The following DCST2 variants were observed in gnomAD, a reference collection of about 807,000 sequenced individuals.
DCST2 encodes the protein DC-STAMP domain-containing protein 2.
Under a neutral mutation model 81.8 loss-of-function variants are expected in DCST2, and 64 were observed. The observed-to-expected ratio is 0.78, with a 90% CI of 0.64 to 0.96. DCST2 has a LOEUF of 0.96. Ranked by LOEUF, DCST2 falls within the 40% of genes least tolerant of loss-of-function variation. The pLI, the probability that DCST2 is intolerant of heterozygous loss-of-function variation, is 0.00. For missense variants in DCST2, 945 were observed against 1,001.4 expected (o/e 0.94, Z 0.76); for synonymous variants, 354 against 402.6 (o/e 0.88, Z 1.44).
intron 10 of DCST2, among the ~76,000 whole-genome samples, chr1:155,025,874 C>G (rs1383183492): frequency 6.6e-6 from 1 of 150,654 alleles, no homozygotes; most frequent in Non-Finnish European, 1.5e-5. Context: ...TTTTTTCTTT[C>G]TTTCTTTTTT....
At chr1:155,022,844 C>CTGTGCTGTCCA (rs1433752630) in intron 14 of DCST2, among the ~76,000 whole-genome samples, 2 of 152,232 alleles carry the variant, frequency 1.3e-5, no homozygotes, top group Non-Finnish European at 2.9e-5. Context: ...GTTGTGTCCT[C>CTGTGCTGTCCA]TGTGCTGTCC....
At chr1:155,028,718 C>T (rs755203666) in intron 8 of DCST2, among the ~76,000 whole-genome samples, 3 of 142,048 alleles carry the variant, frequency 2.1e-5, no homozygotes, top group Non-Finnish European at 4.6e-5. Flanking sequence ...ACTAAAAATA[C>T]AAAAATAAGC....
rs201047852 is a variant in DCST2, at chr1:155,031,733, T to C, written c.580A>G (p.Ile194Val). The C allele has an allele frequency of 1.1e-5, 18 of 1,613,804 alleles. 1 individual carries two copies. In the Middle Eastern group the frequency reaches 6.6e-4, roughly 59 times the overall value. Residue 194 changes from isoleucine (I) to valine (V), a missense_variant, in exon 4 of 15, where the codon ATC (isoleucine) becomes GTC (valine). Physicochemically the swap from Ile to Val is conservative, Grantham distance 29 (BLOSUM62 3). Coordinates refer to ENST00000368424, the MANE Select transcript of DCST2 (RefSeq NM_144622.3). ...LRNVWQWLLH[I>V]GDVCNSELGN... Reference sequence around the variant, plus strand: ...AGTTCCGAGTTGCACACATCGCCGATGTGCAGGAGCCACTGCCACACATTC... The same window carrying C: ...AGTTCCGAGTTGCACACATCGCCGACGTGCAGGAGCCACTGCCACACATTC...
intron 8 of DCST2, among the ~76,000 whole-genome samples, chr1:155,028,217 G>A (rs1026588094): frequency 3.9e-5 from 6 of 152,070 alleles, no homozygotes; most frequent in Non-Finnish European, 8.8e-5. Flanking sequence ...TGAGCCACCC[G>A]CCTGGCCCCA....
chr1:155,029,215 TGTCACGTA>T lies in DCST2; in HGVS notation c.1342+10_1342+17del, dbSNP rs771373873. 2.1e-5 allele frequency: 34 copies of T among 1,611,108 alleles called. No homozygotes were observed. In the South Asian group the frequency reaches 3.6e-4, roughly 17 times the overall value. On this transcript the variant is annotated intron_variant, in intron 8 of 14. Coordinates refer to ENST00000368424, the MANE Select transcript of DCST2 (RefSeq NM_144622.3). ...CTGCAGTGGGTGAGTGGGAGGAGGC[TGTCACGTA>T]GGCACTCACTGCGGGCCACAATCTC... is the stretch of plus-strand genomic sequence containing the variant.
At chr1:155,025,147 CA>C (rs201238594) in intron 10 of DCST2, among the ~76,000 whole-genome samples, 49,312 of 111,208 alleles carry the variant, frequency 0.44, 9,587 homozygotes, top group East Asian at 0.85. Context: ...AATTCTGTCT[CA>C]AAAAAAAAAA....
In DCST2 at chr1:155,026,630, C is replaced by T. The variant is rs1659919352; in HGVS notation, c.1428G>A (p.Leu476=). 4 of 1,614,224 alleles carry T rather than the reference C, an allele frequency of 2.5e-6. No homozygotes were observed. In the South Asian group the frequency reaches 3.3e-5, roughly 13 times the overall value. Reference sequence around the variant, plus strand: ...ACAAAATACTGATGTTGCCTTGCTGCAGGACATCAAATGCTGACACCAGGT... The same window carrying T: ...ACAAAATACTGATGTTGCCTTGCTGTAGGACATCAAATGCTGACACCAGGT... ...YRDLVSAFDV[L]QQGNISILSR... The change falls in exon 9 of 15, where the codon CTG becomes CTA. Residue 476 remains leucine (L), a synonymous_variant. Transcript: ENST00000368424.
chr1:155,023,771 T>C, intron 12 of DCST2, 61 bp downstream of exon 12: 2 of 1,607,236 alleles, frequency 1.2e-6, no homozygotes, highest in South Asian at 1.1e-5. Context: ...CCACAGTGGA[T>C]TGTCATATGC....
intron 14 of DCST2, among the ~76,000 whole-genome samples, chr1:155,021,692 G>T (rs1456843462): frequency 6.6e-6 from 1 of 151,858 alleles, no homozygotes; most frequent in Non-Finnish European, 1.5e-5. Context: ...TCTTTCCCCA[G>T]AACCTGTTTA....
intron 8 of DCST2, 172 bp from the exon 9 acceptor site, chr1:155,026,887 G>T: frequency 1.4e-6 from 1 of 728,234 alleles, no homozygotes; most frequent in Non-Finnish European, 2.2e-6. Context: ...CCTGACCTCA[G>T]TTCTGGCTCC....
chr1:155,023,334 C>T, intron 13 of DCST2, 30 bp downstream of exon 13: 1 of 1,610,176 alleles, frequency 6.2e-7, no homozygotes, highest in Non-Finnish European at 8.5e-7. Context: ...CCTACAGACT[C>T]CAGCCACCCC....
intron 3 of DCST2, among the ~76,000 whole-genome samples, chr1:155,032,015 T>C (rs1660104948): frequency 6.6e-6 from 1 of 152,142 alleles, no homozygotes; most frequent in Admixed American, 6.5e-5. Flanking sequence ...TGTTTTGAGA[T>C]GGAGTTTCGC....
chr1:155,030,635 C>G lies in DCST2; in HGVS notation c.816G>C (p.Gln272His), dbSNP rs375004161. 3 of 1,614,036 alleles carry G rather than the reference C, an allele frequency of 1.9e-6. No individual in the cohort carries two copies. The highest frequency in any genetic ancestry group is 4.5e-5 in the East Asian group (2 of 44,866). Residue 272 changes from glutamine (Q) to histidine (H), a missense_variant, in exon 6 of 15, where the codon CAG becomes CAC. By Grantham distance (24) the Gln-to-His change is conservative. Transcript: ENST00000368424. The stretch of plus-strand genomic sequence containing the variant: ...ACTCCTGACGCACCCGGTTGAGCAA[C>G]TGAATCACGGCTGGGGCCAGCAGGT... ...LRQTIGTPVIQLLNRVRQEFE... is the reference protein window; with the variant it reads ...LRQTIGTPVIHLLNRVRQEFE...
intron 13 of DCST2, 34 bp downstream of exon 13, chr1:155,023,330 G>T (rs1000911822): frequency 1.4e-5 from 22 of 1,610,818 alleles, no homozygotes; most frequent in Non-Finnish European, 1.9e-5. Flanking sequence ...TGCCCCTACA[G>T]ACTCCAGCCA....
chr1:155,026,458 C>T, intron 9 of DCST2, 56 bp from the exon 10 acceptor site: 1 of 1,612,346 alleles, frequency 6.2e-7, no homozygotes. Flanking sequence ...GCCAGCCCAC[C>T]CCTGGCGCCC....
rs201009643 is a variant in DCST2, at chr1:155,030,524, G to C, written c.927C>G (p.His309Gln). Reference protein sequence around the residue: ...RSLSQVAMDLHEAVSMKLHRV... With the variant: ...RSLSQVAMDLQEAVSMKLHRV... ...GGTGCAGCTTCATGCTGACAGCCTC[G>C]TGGAGGTCCATGGCTACCTGGGACA... The change falls in exon 6 of 15, where the codon CAC becomes CAG. Residue 309 changes from histidine to glutamine, a missense_variant. His to Gln is a conservative substitution (Grantham distance 24). Coordinates refer to ENST00000368424, the MANE Select transcript of DCST2 (RefSeq NM_144622.3). The C allele has an allele frequency of 2.9e-5, 46 of 1,614,030 alleles. 1 individual carries two copies. The South Asian group carries it at 4.0e-4, about 14-fold the overall frequency.
Position 155,026,617 on chromosome 1 carries a change from T to C in DCST2, c.1441A>G (p.Ile481Val), listed in dbSNP as rs2102338939. ...SAFDVLQQGN[I>V]SILSRRCLLR... ...AGACAACGCCGGGACAAAATACTGA[T>C]GTTGCCTTGCTGCAGGACATCAAAT... The change falls in exon 9 of 15, where the codon ATC (isoleucine) becomes GTC (valine). Residue 481 changes from isoleucine (I) to valine (V), a missense_variant. By Grantham distance (29) the Ile-to-Val change is conservative. Transcript: ENST00000368424. The C allele has an allele frequency of 6.2e-7, 1 of 1,614,210 alleles. No homozygotes were observed. The highest frequency in any genetic ancestry group is 8.5e-7 in the Non-Finnish European group (1 of 1,180,042).
At chr1:155,025,061 C>T (rs1013090740) in intron 10 of DCST2, among the ~76,000 whole-genome samples, 1 of 149,036 alleles carries the variant, frequency 6.7e-6, no homozygotes, top group Admixed American at 6.8e-5. Flanking sequence ...GCAGGAGAAT[C>T]GTTTGAACCC....
intron 14 of DCST2, among the ~76,000 whole-genome samples, chr1:155,020,646 C>G (rs1318612759): frequency 6.6e-6 from 1 of 152,068 alleles, no homozygotes; most frequent in Admixed American, 6.6e-5. Flanking sequence ...GGATTACAGG[C>G]GTGAGCCACC....
Sources: allele counts gnomAD v4.1 joint callset (sites outside exome capture counted in the v4.1 genomes callset), GRCh38; gene constraint gnomAD v4.1.1; transcripts MANE v1.5; gene names NCBI Gene and HGNC (gene_info 2026-07-23, HGNC 2026-07-21).